Variants in RYR3 observed in about 807,000 individuals in gnomAD.
RYR3 encodes the protein ryanodine receptor 3, also known as brain ryanodine receptor-calcium release channel.
In RYR3, 207 loss-of-function variants were observed where a neutral mutation model predicts 584.3. The ratio of observed to expected loss-of-function variants is 0.35; its 90% CI spans 0.32 to 0.40. RYR3 has a LOEUF of 0.40. Among genes scored for constraint, RYR3 ranks in the 10% least tolerant of loss-of-function variants. RYR3 has a pLI of 1.00. For synonymous variants in RYR3, 2,416 were observed against 2,248.5 expected (o/e 1.07, Z -2.11); for missense variants, 5,616 against 6,089.2 (o/e 0.92, Z 2.59).
chr15:33,659,813 A>T lies in RYR3; in HGVS notation c.4395+7A>T, dbSNP rs2063039263. On this transcript the variant is annotated splice_region_variant and intron_variant, in intron 33 of 103. Transcript: ENST00000634891. ...TGAACTTGGAAAGCTGAAGGTATTT[A>T]TTTGTCCTCTCATCTAATGGCCATG... The T allele has an allele frequency of 6.3e-7, 1 of 1,580,718 alleles. No individual in the cohort carries two copies. Among genetic ancestry groups the T allele is most frequent in the Admixed American group, 1.7e-5 (1 of 59,872 alleles).
intron 47 of RYR3, among the ~76,000 whole-genome samples, chr15:33,731,259 T>C (rs1490173067): frequency 8.4e-6 from 1 of 118,412 alleles, no homozygotes; most frequent in Non-Finnish European, 1.8e-5. Context: ...TTTTGTGTGT[T>C]TTTTTTTTGT....
chr15:33,830,951 A>G lies in RYR3; in HGVS notation c.11335-12A>G. The G allele has an allele frequency of 2.5e-6, 4 of 1,612,420 alleles. No individual in the cohort carries two copies. The highest frequency in any genetic ancestry group is 3.4e-6 in the Non-Finnish European group (4 of 1,179,260). ...GTCTGAGAAATACTAAGCTCTACTC[A>G]TTTGTTTTTAGGAATCAATCAGTGA... is the stretch of plus-strand genomic sequence containing the variant. On this transcript the variant is annotated splice_polypyrimidine_tract_variant and intron_variant, in intron 85 of 103. Transcript: ENST00000634891.
Position 33,760,979 on chromosome 15 carries a change from C to T in RYR3, c.8705+3383C>T, listed in dbSNP as rs535190022. Among the ~76,000 whole-genome samples the T allele has an allele frequency of 2.0e-5, 3 of 152,324 alleles. No homozygotes were observed. In the South Asian group the frequency reaches 6.2e-4, roughly 32 times the overall value. On this transcript the variant is annotated intron_variant, in intron 60 of 103. Coordinates refer to ENST00000634891, the MANE Select transcript of RYR3 (RefSeq NM_001036.6). The stretch of plus-strand genomic sequence containing the variant: ...ACTGCACAAGAACATGGAAACCAAA[C>T]AACCTACTCCTCAATGACTACTGGG...
chr15:33,692,065 C>T (rs2065474394), intron 38 of RYR3, among the ~76,000 whole-genome samples: 1 of 152,182 alleles, frequency 6.6e-6, no homozygotes. Context: ...TAATAGTTCA[C>T]CTTTATTAAA....
At chr15:33,667,955 C>T (rs1270228850) in intron 36 of RYR3, among the ~76,000 whole-genome samples, 6 of 151,092 alleles carry the variant, frequency 4.0e-5, no homozygotes, top group Admixed American at 6.6e-5. Context: ...CCCAGCTACT[C>T]GGCACCCTGA....
intron 3 of RYR3, among the ~76,000 whole-genome samples, chr15:33,509,564 A>T (rs1038344647): frequency 6.6e-6 from 1 of 152,234 alleles, no homozygotes; most frequent in East Asian, 1.9e-4. Flanking sequence ...TTAAAAATAC[A>T]TAATTGAATG....
chr15:33,810,759 G>A lies in RYR3; in HGVS notation c.10197+110G>A, dbSNP rs181438961. Reference sequence around the variant, plus strand: ...CCCCTGGGGGGCGGGGAGCAGATGCGCAGAAACCAGTGTGTATGGAGGCAA... The same window carrying A: ...CCCCTGGGGGGCGGGGAGCAGATGCACAGAAACCAGTGTGTATGGAGGCAA... On this transcript the variant is annotated intron_variant, in intron 71 of 103. Coordinates refer to ENST00000634891, the MANE Select transcript of RYR3 (RefSeq NM_001036.6). 2.5e-4 allele frequency: 347 copies of A among 1,369,130 alleles called. 2 individuals carry two copies. In the Admixed American group the frequency reaches 6.2e-3, roughly 25 times the overall value. The allele number at this position is 1,369,130 out of a possible 1,614,324, so 84.8% of individuals were successfully genotyped here.
At chr15:33,852,395 A>T (rs2079195867) in intron 94 of RYR3, 1 of 152,180 alleles carries the variant, frequency 6.6e-6, no homozygotes, top group African/African-American at 2.4e-5. Flanking sequence ...AGAGAGAAGA[A>T]AGATCATCTC....
chr15:33,695,673 G>A (rs2065791572), intron 38 of RYR3, among the ~76,000 whole-genome samples: 1 of 151,930 alleles, frequency 6.6e-6, no homozygotes, highest in African/African-American at 2.4e-5. Context: ...AGAATAGTTA[G>A]CACCCTCAAC....
intron 1 of RYR3, among the ~76,000 whole-genome samples, chr15:33,442,353 C>A (rs960270606): frequency 6.6e-6 from 1 of 152,124 alleles, no homozygotes; most frequent in Non-Finnish European, 1.5e-5. Context: ...TCTCTGGGAA[C>A]TACAATTTAC....
intron 1 of RYR3, among the ~76,000 whole-genome samples, chr15:33,329,636 A>C (rs1216185012): frequency 6.6e-6 from 1 of 152,172 alleles, no homozygotes; most frequent in Non-Finnish European, 1.5e-5. Flanking sequence ...ATGTTGGTAA[A>C]AATGCTTACT....
chr15:33,390,272 T>C lies in RYR3; in HGVS notation c.51+79176T>C, dbSNP rs193022222. On this transcript the variant is annotated intron_variant, in intron 1 of 103. Transcript: ENST00000634891. The surrounding 1 kb of genome is among the most constrained non-coding windows in gnomAD (Gnocchi z 4.2). The stretch of plus-strand genomic sequence containing the variant: ...AAGCCAACAAAATAAGAGTTTTTGT[T>C]TGTTTGTTTGTTTAGTTTGTTCTTT... Among the ~76,000 whole-genome samples, 1 of 152,362 alleles carries C rather than the reference T, an allele frequency of 6.6e-6. No homozygotes were observed. The highest frequency in any genetic ancestry group is 1.9e-4 in the East Asian group (1 of 5,194).
At chr15:33,702,023 C>G (rs2066341756) in intron 42 of RYR3, among the ~76,000 whole-genome samples, 1 of 152,162 alleles carries the variant, frequency 6.6e-6, no homozygotes, top group South Asian at 2.1e-4. Flanking sequence ...AGGCTTTATT[C>G]TGAATGCTTC....
chr15:33,328,330 G>A (rs1044303501), intron 1 of RYR3, among the ~76,000 whole-genome samples: 1 of 152,172 alleles, frequency 6.6e-6, no homozygotes, highest in African/African-American at 2.4e-5. Flanking sequence ...TGCTTCGTCT[G>A]TTCCTTTTCA....
intron 1 of RYR3, among the ~76,000 whole-genome samples, chr15:33,463,176 A>T (rs28405047): frequency 0.03 from 4,470 of 151,000 alleles, 98 homozygotes; most frequent in Non-Finnish European, 0.035. Flanking sequence ...AAAAAAAAAA[A>T]TTTTTTTTCA....
At chr15:33,367,935 A>G (rs1316039522) in intron 1 of RYR3, among the ~76,000 whole-genome samples, 3 of 152,218 alleles carry the variant, frequency 2.0e-5, no homozygotes, top group African/African-American at 7.2e-5. Context: ...TGCAATGAAT[A>G]ATCCTCTGCA....
At chr15:33,430,907 A>C (rs910976490) in intron 1 of RYR3, among the ~76,000 whole-genome samples, 2 of 152,172 alleles carry the variant, frequency 1.3e-5, no homozygotes, top group Admixed American at 1.3e-4. Flanking sequence ...CTAACTCTCC[A>C]ACTGCCGGCA....
In RYR3 at chr15:33,662,743, TTGA is replaced by T. The variant is rs764080788; in HGVS notation, c.5225_5227del (p.Asp1742del). 1.1e-5 allele frequency: 17 copies of T among 1,614,018 alleles called. No individual in the cohort carries two copies. The highest frequency in any genetic ancestry group is 1.4e-5 in the Non-Finnish European group (17 of 1,179,972). On this transcript the variant is annotated inframe_deletion, in exon 35 of 104. Coordinates refer to ENST00000634891, the MANE Select transcript of RYR3 (RefSeq NM_001036.6). The stretch of plus-strand genomic sequence containing the variant: ...GGAACCCTGCTGGTCATGGGCGTGT[TTGA>T]TGATGATGATGTTCGGCAGATCCTC...
chr15:33,673,341 A>G (rs1184077231), intron 38 of RYR3, among the ~76,000 whole-genome samples: 1 of 152,226 alleles, frequency 6.6e-6, no homozygotes, highest in African/African-American at 2.4e-5. Context: ...CTTTTCTAGG[A>G]AAGAGAGAGC....
Sources: gnomAD v4.1 joint callset for allele counts (sites outside exome capture counted in the v4.1 genomes callset) on GRCh38, gnomAD v4.1.1 for gene constraint, Gnocchi (gnomAD v3.1) non-coding constraint, MANE v1.5 for transcripts, NCBI Gene and HGNC (gene_info 2026-07-23, HGNC 2026-07-21) for gene names.